The following MYO1H variants were observed in gnomAD, a reference collection of about 807,000 sequenced individuals.
MYO1H encodes the protein unconventional myosin-Ih.
MYO1H carries 118 observed loss-of-function variants against 149.3 expected under a neutral mutation model. The ratio of observed to expected loss-of-function variants is 0.79; its 90% CI spans 0.68 to 0.92. The LOEUF (loss-of-function observed/expected upper bound fraction) is 0.92. Among genes scored for constraint, MYO1H ranks in the 40% least tolerant of loss-of-function variants. The pLI is 0.00. For synonymous variants in MYO1H, 447 were observed against 465.2 expected, an observed-to-expected ratio of 0.96 and a Z score of 0.50; for missense variants, 1,212 against 1,280.7, an observed-to-expected ratio of 0.95 and a Z score of 0.82.
chr12:109,321,979 A>C, the MYO1H span, among the ~76,000 whole-genome samples: 1 of 152,154 alleles, frequency 6.6e-6, no homozygotes, highest in African/African-American at 2.4e-5. Context: ...AAGGGAACAC[A>C]TCTGAAGGTG....
the MYO1H span, among the ~76,000 whole-genome samples, chr12:109,319,627 T>C: frequency 5.9e-5 from 9 of 152,180 alleles, no homozygotes; most frequent in Non-Finnish European, 1.3e-4. Flanking sequence ...ATAACAATTA[T>C]ACAAGTTAGG....
chr12:109,441,417 C>T (rs369964161), intron 25 of MYO1H, among the ~76,000 whole-genome samples, 198 bp from the exon 26 acceptor site: 2 of 152,076 alleles, frequency 1.3e-5, no homozygotes, highest in East Asian at 1.9e-4. Flanking sequence ...CGAGCAGAAA[C>T]GTCAACCCAG....
chr12:109,408,962 T>C (rs1369839059), intron 10 of MYO1H, among the ~76,000 whole-genome samples: 1 of 151,906 alleles, frequency 6.6e-6, no homozygotes. Flanking sequence ...CTAATTTTTG[T>C]AATTTTTTAG....
chr12:109,445,949 C>T (rs761017308), intron 31 of MYO1H: 1 of 985,268 alleles, frequency 1.0e-6, no homozygotes, highest in Admixed American at 6.2e-5. Context: ...AACTTCCCCC[C>T]ACGTGGAAAT....
At chr12:109,365,741 G>GC (rs1868852441) in intron 1 of MYO1H, among the ~76,000 whole-genome samples, 1 of 152,184 alleles carries the variant, frequency 6.6e-6, no homozygotes, top group African/African-American at 2.4e-5. Context: ...ATGGCCCAGA[G>GC]CCAACATGCA....
chr12:109,373,807 C>T (rs2217973), intron 1 of MYO1H, among the ~76,000 whole-genome samples: 8,990 of 152,176 alleles, frequency 0.059, 870 homozygotes, highest in African/African-American at 0.21. Flanking sequence ...CCTTGGTTTT[C>T]TTTGTTGTTT....
chr12:109,410,698 T>C (rs1387544597), exon 13 of MYO1H: 1 of 1,597,318 alleles, frequency 6.3e-7, no homozygotes, highest in East Asian at 2.2e-5. Context: ...TGGGAGCCAA[T>C]TAAATATTTC....
In MYO1H at chr12:109,440,739, C is replaced by T. The variant is rs1450725680; in HGVS notation, c.2455-5C>T. ...CAAGTGGAAAGAAGTGTGTTCTCCACACAGGCATCAGATCTGCTCAGGAAA... is the reference window on the plus strand; with the variant it reads ...CAAGTGGAAAGAAGTGTGTTCTCCATACAGGCATCAGATCTGCTCAGGAAA... On this transcript the variant is annotated splice_region_variant and splice_polypyrimidine_tract_variant and intron_variant, in intron 24 of 31. Transcript: ENST00000310903. The T allele has an allele frequency of 2.6e-6, 4 of 1,558,022 alleles. No homozygotes were observed. Among genetic ancestry groups the T allele is most frequent in the Non-Finnish European group, 3.5e-6 (4 of 1,150,462 alleles).
the MYO1H span, among the ~76,000 whole-genome samples, chr12:109,327,134 C>CTTT: frequency 1.1e-5 from 1 of 94,744 alleles, no homozygotes; most frequent in East Asian, 3.4e-4. Flanking sequence ...TTTTCTTTTT[C>CTTT]TTTTTTTTTT....
At chr12:109,333,844 T>C in the MYO1H span, among the ~76,000 whole-genome samples, 3 of 152,188 alleles carry the variant, frequency 2.0e-5, no homozygotes, top group African/African-American at 4.8e-5. Context: ...TGTAACCCCA[T>C]TGTTAAGGGG....
At chr12:109,322,827 A>C in the MYO1H span, among the ~76,000 whole-genome samples, 8 of 151,384 alleles carry the variant, frequency 5.3e-5, no homozygotes, top group Non-Finnish European at 1.5e-5. Context: ...CTCAAAAAAA[A>C]AAAAAAAAAA....
the MYO1H span, among the ~76,000 whole-genome samples, chr12:109,326,791 T>C: frequency 6.6e-6 from 1 of 152,116 alleles, no homozygotes; most frequent in African/African-American, 2.4e-5. Flanking sequence ...AGTGCTGGGA[T>C]TACAGGCATG....
At chr12:109,375,297 C>A (rs1050491755) in intron 1 of MYO1H, among the ~76,000 whole-genome samples, 1 of 152,020 alleles carries the variant, frequency 6.6e-6, no homozygotes, top group South Asian at 2.1e-4. Flanking sequence ...GGGCTACAGG[C>A]GTGTACCACC....
At chr12:109,343,893 T>C (rs2048094428), upstream of MYO1H, among the ~76,000 whole-genome samples, 1 of 152,148 alleles carries the variant, frequency 6.6e-6, no homozygotes, top group South Asian at 2.1e-4. Flanking sequence ...ACTAGGTGTA[T>C]TGCATAAGCT....
At chr12:109,413,136 G>A in intron 14 of MYO1H, among the ~76,000 whole-genome samples, 1 of 150,144 alleles carries the variant, frequency 6.7e-6, no homozygotes, top group South Asian at 2.1e-4. Context: ...ATCACGCCTG[G>A]CTATTTTTTT....
At chr12:109,354,630 A>AG (rs1555247915) in intron 1 of MYO1H, among the ~76,000 whole-genome samples, 5 of 134,046 alleles carry the variant, frequency 3.7e-5, no homozygotes, top group East Asian at 4.2e-4. Context: ...AAAAAAAAAA[A>AG]AAAAGAAAAG....
At position 109,363,873 on chromosome 12, in the gene MYO1H, C is replaced by T. The variant is rs186138117; in HGVS notation, c.12+15901C>T. ...AATAAAATACTCTTGGACCCCGTGT[C>T]TGACAAGTCAGTGGGGAAAACAGAC... On this transcript the variant is annotated intron_variant, in intron 1 of 31. Coordinates refer to ENST00000310903, the Ensembl canonical transcript of MYO1H. 4.7e-4 allele frequency among the ~76,000 whole-genome samples: 72 copies of T among 152,000 alleles called. 4 individuals carry two copies. The highest frequency in any genetic ancestry group is 4.3e-3 in the Admixed American group (66 of 15,266).
intron 1 of MYO1H, among the ~76,000 whole-genome samples, chr12:109,377,619 GC>G (rs1371276182): frequency 2.6e-5 from 4 of 152,128 alleles, no homozygotes; most frequent in African/African-American, 9.7e-5. Flanking sequence ...CCACCAATCT[GC>G]ATTCTGCCTC....
chr12:109,369,628 T>C (rs879877534), intron 1 of MYO1H, among the ~76,000 whole-genome samples: 3 of 152,228 alleles, frequency 2.0e-5, no homozygotes, highest in Admixed American at 2.0e-4. Context: ...CCAGATATCA[T>C]GGGAACCAAG....
Sources: gnomAD v4.1 joint callset for allele counts (sites outside exome capture counted in the v4.1 genomes callset) on GRCh38, gnomAD v4.1.1 for gene constraint, MANE v1.5 for transcripts, NCBI Gene and HGNC (gene_info 2026-07-23, HGNC 2026-07-21) for gene names.